The following STK32B variants were observed in gnomAD, a reference collection of about 807,000 sequenced individuals.
STK32B encodes serine/threonine-protein kinase 32B.
In STK32B, 43 loss-of-function variants were observed where a neutral mutation model predicts 52.6. The ratio of observed to expected loss-of-function variants is 0.82; its 90% confidence interval spans 0.64 to 1.05. STK32B has a LOEUF of 1.05. STK32B is among the 50% of genes least tolerant of loss of function. The pLI is 0.00. For missense variants in STK32B, 621 were observed against 534.6 expected (o/e 1.16, Z -1.59); for synonymous variants, 238 against 204.3 (o/e 1.17, Z -1.41).
At chr4:5,245,572 AT>A (rs1441629136) in intron 3 of STK32B, among the ~76,000 whole-genome samples, 1 of 152,136 alleles carries the variant, frequency 6.6e-6, no homozygotes, top group African/African-American at 2.4e-5. Context: ...GCCCATTTAC[AT>A]TTAAGGTTAA....
intron 1 of STK32B, among the ~76,000 whole-genome samples, chr4:5,080,844 A>G (rs1712373175): frequency 6.6e-6 from 1 of 152,182 alleles, no homozygotes; most frequent in Non-Finnish European, 1.5e-5. Context: ...CCTACAATAC[A>G]TTATTAGTAA....
intron 3 of STK32B, among the ~76,000 whole-genome samples, chr4:5,248,447 C>T (rs1050776710): frequency 1.3e-5 from 2 of 152,264 alleles, no homozygotes; most frequent in Non-Finnish European, 2.9e-5. Flanking sequence ...AAGAAAGAAA[C>T]ACGTATTTCC....
intron 6 of STK32B, among the ~76,000 whole-genome samples, chr4:5,441,401 T>G (rs1473555341): frequency 6.6e-6 from 1 of 150,880 alleles, no homozygotes; most frequent in Non-Finnish European, 1.5e-5. Context: ...GTAGAGGTGT[T>G]TGTAGTATTC....
chr4:5,279,690 C>T (rs1203776342), intron 3 of STK32B, among the ~76,000 whole-genome samples: 1 of 152,218 alleles, frequency 6.6e-6, no homozygotes, highest in African/African-American at 2.4e-5. Flanking sequence ...TCCATGAGGG[C>T]TCCGCCAGGT....
chr4:5,404,465 A>T (rs1336569018), intron 5 of STK32B, among the ~76,000 whole-genome samples: 3 of 152,184 alleles, frequency 2.0e-5, no homozygotes. Flanking sequence ...AGCAAGTATT[A>T]GTTATCCCTC....
At chr4:5,091,403 A>C (rs1713074247) in intron 1 of STK32B, among the ~76,000 whole-genome samples, 1 of 152,198 alleles carries the variant, frequency 6.6e-6, no homozygotes, top group Non-Finnish European at 1.5e-5. Context: ...CCCAATTTTA[A>C]AATGAAAAAA....
chr4:5,154,275 G>GCACGATCTTGGCTCACTGC (rs1717611755), intron 2 of STK32B, among the ~76,000 whole-genome samples: 1 of 149,904 alleles, frequency 6.7e-6, no homozygotes, highest in East Asian at 2.0e-4. Flanking sequence ...GAGTGCAATG[G>GCACGATCTTGGCTCACTGC]CACGATCTTG....
chr4:5,457,254 C>T lies in STK32B; in HGVS notation c.783+331C>T, dbSNP rs539514017. 1.3e-3 allele frequency among the ~76,000 whole-genome samples: 187 copies of T among 138,706 alleles called. 1 individual carries two copies. Among genetic ancestry groups the T allele is most frequent in the African/African-American group, 5.0e-3 (181 of 36,430 alleles). The allele number at this position is 138,706 out of a possible 152,430, so 91.0% of individuals were successfully genotyped here. On this transcript the variant is annotated intron_variant, in intron 8 of 11. Coordinates refer to ENST00000282908, the MANE Select transcript of STK32B (RefSeq NM_018401.3). ...TTTAATATACGGAGTCTCACTCTGT[C>T]GCCCAGGCTGGAGTGCAGTGGCGCA...
chr4:5,354,982 C>G (rs527794706), intron 4 of STK32B, among the ~76,000 whole-genome samples: 11 of 152,230 alleles, frequency 7.2e-5, no homozygotes, highest in African/African-American at 2.6e-4. Flanking sequence ...GCAGACACCT[C>G]TAGAACCTGG....
intron 3 of STK32B, among the ~76,000 whole-genome samples, chr4:5,195,982 A>C (rs766090787): frequency 1.3e-5 from 2 of 152,246 alleles, no homozygotes; most frequent in Admixed American, 6.5e-5. Context: ...TGGCATCATT[A>C]AATTCTAACC....
intron 1 of STK32B, among the ~76,000 whole-genome samples, chr4:5,109,335 A>G (rs1215737039): frequency 6.6e-6 from 1 of 152,250 alleles, no homozygotes; most frequent in Non-Finnish European, 1.5e-5. Context: ...CAACTATTTT[A>G]TGATAGTCAC....
chr4:5,206,501 G>A (rs966207567), intron 3 of STK32B, among the ~76,000 whole-genome samples: 3 of 152,130 alleles, frequency 2.0e-5, no homozygotes, highest in Non-Finnish European at 4.4e-5. Flanking sequence ...AATGACAGAG[G>A]CGTGACTTCT....
chr4:5,381,782 TG>T lies in STK32B; in HGVS notation c.435-16422del, dbSNP rs1315764096. The stretch of plus-strand genomic sequence containing the variant: ...GTAATGGGTTCTGGAAGCAGCTGTC[TG>T]GGTTTTTAATCCTGGCTCTTCCATC... On this transcript the variant is annotated intron_variant, in intron 4 of 11. Coordinates refer to ENST00000282908, the MANE Select transcript of STK32B (RefSeq NM_018401.3). Among the ~76,000 whole-genome samples, 8 of 152,324 alleles carry T rather than the reference TG, an allele frequency of 5.3e-5. No homozygotes were observed. The East Asian group carries it at 1.2e-3, about 22-fold the overall frequency.
At chr4:5,449,490 C>G (rs1401002703) in intron 7 of STK32B, among the ~76,000 whole-genome samples, 2 of 152,174 alleles carry the variant, frequency 1.3e-5, no homozygotes, top group East Asian at 3.9e-4. Flanking sequence ...TCATGAGGAG[C>G]CAAGCATGCT....
intron 2 of STK32B, among the ~76,000 whole-genome samples, chr4:5,160,694 A>G (rs1185076206): frequency 6.6e-6 from 1 of 152,216 alleles, no homozygotes; most frequent in Non-Finnish European, 1.5e-5. Context: ...TATGTGCCAG[A>G]CACTGAGGAT....
chr4:5,343,557 A>C (rs1485957777), intron 4 of STK32B, among the ~76,000 whole-genome samples: 2 of 152,144 alleles, frequency 1.3e-5, no homozygotes, highest in Non-Finnish European at 2.9e-5. Flanking sequence ...ACTAGTTTAC[A>C]CTCCCACCAA....
chr4:5,288,298 A>G (rs1246739189), intron 3 of STK32B, among the ~76,000 whole-genome samples: 1 of 152,218 alleles, frequency 6.6e-6, no homozygotes, highest in Non-Finnish European at 1.5e-5. Flanking sequence ...TTTGTTTAAC[A>G]TGAAGAATTG....
At position 5,436,411 on chromosome 4, in the gene STK32B, G is replaced by A. The variant is rs1013780166; in HGVS notation, c.563-10262G>A. Among the ~76,000 whole-genome samples, 15 of 152,290 alleles carry A rather than the reference G, an allele frequency of 9.8e-5. No homozygotes were observed. In the East Asian group the frequency reaches 2.9e-3, roughly 29 times the overall value. On this transcript the variant is annotated intron_variant, in intron 6 of 11. Transcript: ENST00000282908. ...CACAGGTTTAGAGCTGAAAGGACAT[G>A]GATCCAGTGGCATTGCAAGGAACAC...
intron 4 of STK32B, among the ~76,000 whole-genome samples, chr4:5,382,533 G>T (rs868672956): frequency 6.6e-6 from 1 of 151,862 alleles, no homozygotes; most frequent in Non-Finnish European, 1.5e-5. Flanking sequence ...ATGTGAAAAG[G>T]TCCCCTGGTC....
Sources: allele counts gnomAD v4.1 joint callset (sites outside exome capture counted in the v4.1 genomes callset), GRCh38; gene constraint gnomAD v4.1.1; transcripts MANE v1.5; gene names NCBI Gene and HGNC (gene_info 2026-07-23, HGNC 2026-07-21).